The following KIF26B variants were observed in gnomAD, a reference collection of about 807,000 sequenced individuals.
The protein encoded by KIF26B is kinesin-like protein KIF26B.
A neutral mutation model predicts 151.2 loss-of-function variants in KIF26B; 63 were observed. That is an observed-to-expected ratio of 0.42 (90% CI 0.34 to 0.51). The LOEUF is 0.51. Among genes scored for constraint, KIF26B ranks in the 20% least tolerant of loss-of-function variants. The pLI is 0.07. For synonymous variants in KIF26B, 1,357 were observed against 1,262.1 expected (o/e 1.08, Z -1.59); for missense variants, 2,813 against 2,913.6 (o/e 0.97, Z 0.79).
chr1:245,289,513 C>G (rs559635766), intron 2 of KIF26B, among the ~76,000 whole-genome samples: 1 of 152,218 alleles, frequency 6.6e-6, no homozygotes, highest in Non-Finnish European at 1.5e-5. Flanking sequence ...GAGTGGTATG[C>G]GACATCAAGG....
At chr1:245,201,185 A>AGTAC (rs1669294775) in intron 2 of KIF26B, among the ~76,000 whole-genome samples, 1 of 152,246 alleles carries the variant, frequency 6.6e-6, no homozygotes, top group African/African-American at 2.4e-5. Context: ...GTCCTGTCTC[A>AGTAC]GTACACACAC....
rs1335680518 is a variant in KIF26B at position 245,434,632 on chromosome 1, C to G, written c.1166+14887C>G. 2.6e-5 allele frequency among the ~76,000 whole-genome samples: 4 copies of G among 152,248 alleles called. No homozygotes were observed. The East Asian group carries it at 7.7e-4, about 29-fold the overall frequency. Reference sequence around the variant, plus strand: ...CTCTGGCTGTGGGAGCCCCCTGCACCCACACAGGGGGCAGGCCACTTGGGA... The same window carrying G: ...CTCTGGCTGTGGGAGCCCCCTGCACGCACACAGGGGGCAGGCCACTTGGGA... On this transcript the variant is annotated intron_variant, in intron 4 of 14. Coordinates refer to ENST00000407071, the MANE Select transcript of KIF26B (RefSeq NM_018012.4).
intron 2 of KIF26B, among the ~76,000 whole-genome samples, chr1:245,347,495 A>G (rs1333637444): frequency 6.6e-6 from 1 of 151,620 alleles, no homozygotes; most frequent in South Asian, 2.1e-4. Flanking sequence ...TAATTTTTAA[A>G]TTTTTTTTGA....
rs1442134484 is a variant in KIF26B, at chr1:245,512,543, A to G, written c.1167-28224A>G. Among the ~76,000 whole-genome samples the G allele has an allele frequency of 6.6e-6, 1 of 152,214 alleles. No individual in the cohort carries two copies. ...ACAACTTTATTAATTGGGGTTTAAC[A>G]TCATCAAGGGCTGTAGCACTGGGCA... On this transcript the variant is annotated intron_variant, in intron 4 of 14. Transcript: ENST00000407071. The surrounding 1 kb of genome is among the most constrained non-coding windows in gnomAD (Gnocchi z 4.3).
chr1:245,409,351 G>T (rs2103030927), intron 3 of KIF26B, among the ~76,000 whole-genome samples: 1 of 152,290 alleles, frequency 6.6e-6, no homozygotes, highest in African/African-American at 2.4e-5. Flanking sequence ...GGGCAGCCCT[G>T]CCCCTTTATC....
intron 4 of KIF26B, among the ~76,000 whole-genome samples, chr1:245,507,954 C>A (rs879265333): frequency 2.6e-5 from 4 of 152,138 alleles, no homozygotes; most frequent in Non-Finnish European, 4.4e-5. Flanking sequence ...TACATTGGGG[C>A]TTAATGTGGT....
intron 2 of KIF26B, among the ~76,000 whole-genome samples, chr1:245,260,564 A>G (rs893066830): frequency 2.6e-5 from 4 of 152,246 alleles, no homozygotes; most frequent in African/African-American, 9.6e-5. Context: ...AACGAGGCCT[A>G]TAGGATTAAC....
At chr1:245,541,083 T>G (rs1661610375) in intron 5 of KIF26B, 133 bp downstream of exon 5, 1 of 744,346 alleles carries the variant, frequency 1.3e-6, no homozygotes, top group Non-Finnish European at 2.1e-6. Flanking sequence ...AAGATGAAAT[T>G]CATTTGAAAG....
intron 4 of KIF26B, among the ~76,000 whole-genome samples, chr1:245,477,995 T>A (rs1558182011): frequency 1.3e-5 from 2 of 151,716 alleles, no homozygotes; most frequent in African/African-American, 4.8e-5. Flanking sequence ...CCCACACACG[T>A]CCCTCTTCCA....
At chr1:245,498,476 C>T (rs1660554663) in intron 4 of KIF26B, among the ~76,000 whole-genome samples, 1 of 152,110 alleles carries the variant, frequency 6.6e-6, no homozygotes, top group Non-Finnish European at 1.5e-5. Flanking sequence ...TTATCCACAG[C>T]AACCAGCAGA....
chr1:245,459,354 A>AT (rs1180888377), intron 4 of KIF26B, among the ~76,000 whole-genome samples: 1 of 151,494 alleles, frequency 6.6e-6, no homozygotes, highest in African/African-American at 2.4e-5. Context: ...TTTTGGTTTT[A>AT]TTTTTTTCAG....
Position 245,318,342 on chromosome 1 carries a change from C to T in KIF26B, c.466-48492C>T, listed in dbSNP as rs1671819545. 6.6e-6 allele frequency among the ~76,000 whole-genome samples: 1 copy of T among 152,132 alleles called. No homozygotes were observed. Among genetic ancestry groups the T allele is most frequent in the South Asian group, 2.1e-4 (1 of 4,816 alleles). On this transcript the variant is annotated intron_variant, in intron 2 of 14. Coordinates refer to ENST00000407071, the MANE Select transcript of KIF26B (RefSeq NM_018012.4). The surrounding 1 kb of genome is among the most constrained non-coding windows in gnomAD (Gnocchi z 4.0). The stretch of plus-strand genomic sequence containing the variant: ...AGGTGTGAATTCCACTTACCCTCAG[C>T]AAGACGAGGGAAGAAGAAGATTCTG...
chr1:245,569,927 AT>A (rs869238168), intron 5 of KIF26B, among the ~76,000 whole-genome samples: 1,622 of 47,602 alleles, frequency 0.034, 3 homozygotes, highest in Non-Finnish European at 0.041. Context: ...TAAATAGAGA[AT>A]TTTTTTTTTT....
intron 2 of KIF26B, among the ~76,000 whole-genome samples, chr1:245,260,137 T>G (rs1670606945): frequency 6.6e-6 from 1 of 151,890 alleles, no homozygotes; most frequent in Non-Finnish European, 1.5e-5. Flanking sequence ...AACAGAACAC[T>G]GGTGGAGTTG....
intron 2 of KIF26B, among the ~76,000 whole-genome samples, chr1:245,361,265 A>G (rs1272307022): frequency 6.6e-6 from 1 of 152,164 alleles, no homozygotes; most frequent in African/African-American, 2.4e-5. Context: ...CATTCATGGG[A>G]TCGCCTCTCC....
At position 245,471,123 on chromosome 1, in the gene KIF26B, G is replaced by GTA. The variant is rs200717016; in HGVS notation, c.1166+51379_1166+51380insAT. Among the ~76,000 whole-genome samples, 1,305 of 139,640 alleles carry GTA rather than the reference G, an allele frequency of 9.3e-3. 15 individuals are homozygous for GTA. The highest frequency in any genetic ancestry group is 0.024 in the African/African-American group (930 of 39,568). 91.6% of individuals were successfully genotyped at this position (139,640 alleles called of 152,430 possible). A position where few individuals can be genotyped will look rare whatever the true frequency, so the allele number is the denominator to read the frequency against. On this transcript the variant is annotated intron_variant, in intron 4 of 14. Transcript: ENST00000407071. Reference sequence around the variant, plus strand: ...ATTTAGATTTTGATAGTATGTGTGTGTGTGTGTGTATATATATATATATTT... The same window carrying GTA: ...ATTTAGATTTTGATAGTATGTGTGTGTATGTGTGTGTATATATATATATATTT...
In KIF26B at chr1:245,698,781, G is replaced by A. The variant is rs1205911331; in HGVS notation, c.6028-106G>A. Reference sequence around the variant, plus strand: ...GGGATGACCCATGTCCCTCCCACACGTCTCCAAGCCCAGCCTGTTTTCCAT... The same window carrying A: ...GGGATGACCCATGTCCCTCCCACACATCTCCAAGCCCAGCCTGTTTTCCAT... On this transcript the variant is annotated intron_variant, in intron 13 of 14. Coordinates refer to ENST00000407071, the MANE Select transcript of KIF26B (RefSeq NM_018012.4). This position sits in a 1 kb window ranked among gnomAD's most constrained non-coding sequence, Gnocchi z 4.0. The A allele has an allele frequency of 9.3e-6, 13 of 1,395,316 alleles. No individual in the cohort carries two copies. The highest frequency in any genetic ancestry group is 2.0e-4 in the Middle Eastern group (1 of 4,904). The allele number at this position is 1,395,316 out of a possible 1,614,324, so 86.4% of individuals were successfully genotyped here.
chr1:245,611,814 C>G lies in KIF26B; in HGVS notation c.1936C>G (p.Arg646Gly). 1.2e-6 allele frequency: 2 copies of G among 1,613,614 alleles called. No individual in the cohort carries two copies. The highest frequency in any genetic ancestry group is 1.7e-6 in the Non-Finnish European group (2 of 1,179,844). The change falls in exon 9 of 15, where the codon CGG becomes GGG. Residue 646 changes from arginine to glycine, a missense_variant. Physicochemically the swap from Arg to Gly is moderately radical, Grantham distance 125. Around this residue, in one of 3 missense-constraint regions of KIF26B, gnomAD observed 2,060 missense variants for 2,088.6 expected, o/e 0.99. Coordinates refer to ENST00000407071, the MANE Select transcript of KIF26B (RefSeq NM_018012.4). ...CCAGCTGCAGAACCAGAGCGAGCTG[C>G]GGGCCCCCACCGCAGAGAAGGCTGC... Reference protein sequence around the residue: ...GTQLQNQSELRAPTAEKAAFF... With the variant: ...GTQLQNQSELGAPTAEKAAFF...
At chr1:245,650,555 G>C (rs1318609055) in intron 10 of KIF26B, among the ~76,000 whole-genome samples, 2 of 152,256 alleles carry the variant, frequency 1.3e-5, no homozygotes, top group African/African-American at 4.8e-5. Context: ...GGTTCTCTTA[G>C]ATGTTGCTTT....
Sources: allele counts gnomAD v4.1 joint callset (sites outside exome capture counted in the v4.1 genomes callset), GRCh38; gene constraint gnomAD v4.1.1; regional missense constraint gnomAD v4.1.1; non-coding constraint Gnocchi (gnomAD v3.1); transcripts MANE v1.5; gene names NCBI Gene and HGNC (gene_info 2026-07-23, HGNC 2026-07-21).